Variants in PRLR observed in about 807,000 individuals in gnomAD.
PRLR encodes prolactin receptor.
In PRLR, 13 loss-of-function variants were observed where a neutral mutation model predicts 40.2. The ratio of observed to expected loss-of-function variants is 0.32; its 90% CI spans 0.21 to 0.51. The LOEUF (loss-of-function observed/expected upper bound fraction) is 0.51, where lower values mean the gene tolerates loss of function less well. Ranked by LOEUF, PRLR falls within the 20% of genes least tolerant of loss-of-function variation. The pLI, the probability that PRLR is intolerant of heterozygous loss-of-function variation, is 0.97. For missense variants in PRLR, 656 were observed against 747.3 expected, an observed-to-expected ratio of 0.88 and a Z score of 1.42; for synonymous variants, 269 against 278.7, an observed-to-expected ratio of 0.97 and a Z score of 0.35.
chr5:35,122,758 G>A (rs1487076953), intron 1 of PRLR, among the ~76,000 whole-genome samples: 1 of 152,200 alleles, frequency 6.6e-6, no homozygotes, highest in Non-Finnish European at 1.5e-5. Context: ...AAGCACTTGG[G>A]AATCACTCTT....
intron 3 of PRLR, among the ~76,000 whole-genome samples, chr5:35,087,921 G>A (rs1770960215): frequency 6.6e-6 from 1 of 152,182 alleles, no homozygotes; most frequent in South Asian, 2.1e-4. Flanking sequence ...AGGATATCAG[G>A]AGCAGAGAGG....
At chr5:35,213,052 C>G (rs1579808492) in intron 1 of PRLR, among the ~76,000 whole-genome samples, 2 of 152,228 alleles carry the variant, frequency 1.3e-5, no homozygotes, top group East Asian at 1.9e-4. Flanking sequence ...TGCTTTGCCA[C>G]TGAATAATGC....
chr5:35,078,346 A>C (rs532277319), intron 5 of PRLR, among the ~76,000 whole-genome samples: 1 of 152,300 alleles, frequency 6.6e-6, no homozygotes, highest in East Asian at 1.9e-4. Context: ...AATGAAATAC[A>C]TGCAATAAAA....
intron 1 of PRLR, among the ~76,000 whole-genome samples, chr5:35,198,704 C>G (rs187532529): frequency 2.6e-5 from 4 of 151,866 alleles, no homozygotes; most frequent in African/African-American, 9.6e-5. Context: ...TTTTTGTTTC[C>G]ACCACTTGGT....
At chr5:35,149,113 T>A (rs1774270756) in intron 1 of PRLR, among the ~76,000 whole-genome samples, 1 of 152,182 alleles carries the variant, frequency 6.6e-6, no homozygotes, top group Non-Finnish European at 1.5e-5. Context: ...ATAATCTTTA[T>A]CTGAAATTCT....
chr5:35,189,923 G>A lies in PRLR; in HGVS notation c.-106+40345C>T, dbSNP rs187053555. Reference sequence around the variant, plus strand: ...AAAGCCGCACAGCTTTGGGGCAGCAGGATCAGAGTAGACATCCTGCTTCCC... The same window carrying A: ...AAAGCCGCACAGCTTTGGGGCAGCAAGATCAGAGTAGACATCCTGCTTCCC... On this transcript the variant is annotated intron_variant, in intron 1 of 9. Coordinates refer to ENST00000618457, the MANE Select transcript of PRLR (RefSeq NM_000949.7). Among the ~76,000 whole-genome samples the A allele has an allele frequency of 3.3e-5, 5 of 152,304 alleles. No homozygotes were observed. In the East Asian group the frequency reaches 9.7e-4, roughly 29 times the overall value.
intron 1 of PRLR, among the ~76,000 whole-genome samples, chr5:35,206,991 T>C (rs1290425994): frequency 2.0e-5 from 3 of 152,112 alleles, no homozygotes; most frequent in South Asian, 4.1e-4. Context: ...CTCATCTTAA[T>C]ATGTTAATAT....
chr5:35,097,851 T>C (rs1458614469), intron 2 of PRLR, among the ~76,000 whole-genome samples: 1 of 152,150 alleles, frequency 6.6e-6, no homozygotes, highest in Non-Finnish European at 1.5e-5. Flanking sequence ...GAAGGGGATT[T>C]TTAACAAGCA....
At chr5:35,128,817 C>T (rs1424352430) in intron 1 of PRLR, among the ~76,000 whole-genome samples, 1 of 152,166 alleles carries the variant, frequency 6.6e-6, no homozygotes, top group African/African-American at 2.4e-5. Context: ...TTTTAACCTG[C>T]CCATCAAGTA....
chr5:35,064,445 C>G lies in PRLR; in HGVS notation c.*644G>C, dbSNP rs1769225404. 6.6e-6 allele frequency: 1 copy of G among 152,454 alleles called. No homozygotes were observed. The highest frequency in any genetic ancestry group is 1.5e-5 in the Non-Finnish European group (1 of 68,032). The allele number at this position is 152,454 out of a possible 1,614,324, so 9.4% of individuals were successfully genotyped here. ...ATTTCCAAACTATATTTTATAGAAG[C>G]TTTAGAGTAGAATTTAGGGGGAAAA... On this transcript the variant is annotated 3_prime_UTR_variant, in exon 10 of 10. Coordinates refer to ENST00000618457, the MANE Select transcript of PRLR (RefSeq NM_000949.7).
intron 1 of PRLR, among the ~76,000 whole-genome samples, chr5:35,123,749 A>T (rs1773366389): frequency 6.6e-6 from 1 of 152,190 alleles, no homozygotes; most frequent in Admixed American, 6.6e-5. Context: ...ATTTACTGTT[A>T]AAGTATTCAG....
chr5:35,144,595 A>C (rs920906985), intron 1 of PRLR, among the ~76,000 whole-genome samples: 16 of 151,608 alleles, frequency 1.1e-4, no homozygotes, highest in Non-Finnish European at 8.8e-5. Context: ...CTGGGATTAC[A>C]GGTGCACACC....
At chr5:35,054,481 G>A (rs1768625708), downstream of PRLR, among the ~76,000 whole-genome samples, 1 of 150,316 alleles carries the variant, frequency 6.7e-6, no homozygotes, top group Non-Finnish European at 1.5e-5. Context: ...GTCATTTATG[G>A]CAATGAAAAT....
At chr5:35,202,873 G>A (rs991252017) in intron 1 of PRLR, among the ~76,000 whole-genome samples, 1 of 152,152 alleles carries the variant, frequency 6.6e-6, no homozygotes, top group Admixed American at 6.5e-5. Flanking sequence ...TTGAAAGCCT[G>A]GAAAAACGTT....
intron 9 of PRLR, among the ~76,000 whole-genome samples, chr5:35,066,680 C>T (rs1001021761): frequency 6.4e-5 from 9 of 139,968 alleles, no homozygotes; most frequent in Admixed American, 1.4e-4. Flanking sequence ...TCCATATTTC[C>T]GCCCTTCCTA....
rs1001460045 is a variant in PRLR at position 35,065,851 on chromosome 5, G to A, written c.1107C>T (p.Ala369=). 3 of 1,614,144 alleles carry A rather than the reference G, an allele frequency of 1.9e-6. No individual in the cohort carries two copies. The highest frequency in any genetic ancestry group is 2.5e-6 in the Non-Finnish European group (3 of 1,180,016). Residue 369 remains alanine (A), a synonymous_variant, in exon 10 of 10, where the codon GCC becomes GCT. Transcript: ENST00000618457. ...CAGGATCATAGAATGTGGAGGGATT[G>A]GCCTGGGGTTCCTCACACTTTTCAG... ...LLSEKCEEPQ[A]NPSTFYDPEV...
intron 1 of PRLR, among the ~76,000 whole-genome samples, chr5:35,157,928 T>G (rs1369722805): frequency 6.6e-6 from 1 of 152,190 alleles, no homozygotes; most frequent in African/African-American, 2.4e-5. Context: ...CATTAAAAAT[T>G]TGTTCCTTTC....
chr5:35,068,747 T>C (rs1259699079), intron 8 of PRLR, 32 bp downstream of exon 8: 2 of 1,462,304 alleles, frequency 1.4e-6, no homozygotes, highest in Non-Finnish European at 9.6e-7. Flanking sequence ...ACTATCATGA[T>C]TGGGAGGAAA....
Position 35,058,642 on chromosome 5 carries a change from G to A in PRLR, c.*6447C>T, listed in dbSNP as rs1768860104. On this transcript the variant is annotated 3_prime_UTR_variant, in exon 10 of 10. Coordinates refer to ENST00000618457, the MANE Select transcript of PRLR (RefSeq NM_000949.7). Reference sequence around the variant, plus strand: ...TTTTCAGTTTTGTTTTACAGTCATAGACACAATCATATTGAAACTACATAT... The same window carrying A: ...TTTTCAGTTTTGTTTTACAGTCATAAACACAATCATATTGAAACTACATAT... 6.6e-6 allele frequency: 1 copy of A among 152,156 alleles called. No individual in the cohort carries two copies. Among genetic ancestry groups the A allele is most frequent in the African/African-American group, 2.4e-5 (1 of 41,454 alleles). The allele number at this position is 152,156 out of a possible 1,614,324, so 9.4% of individuals were successfully genotyped here. A position where few individuals can be genotyped will look rare whatever the true frequency, so the allele number is the denominator to read the frequency against.
Sources: gnomAD v4.1 joint callset for allele counts (sites outside exome capture counted in the v4.1 genomes callset) on GRCh38, gnomAD v4.1.1 for gene constraint, MANE v1.5 for transcripts, NCBI Gene and HGNC (gene_info 2026-07-23, HGNC 2026-07-21) for gene names.